Variants in CAPN2 observed in about 807,000 individuals in gnomAD.
CAPN2 encodes the protein calpain-2 catalytic subunit.
Under a neutral mutation model 102.3 loss-of-function variants are expected in CAPN2, and 92 were observed. That is an observed-to-expected ratio of 0.90 (90% confidence interval 0.76 to 1.07). The LOEUF is 1.07. Among genes scored for constraint, CAPN2 ranks in the 50% least tolerant of loss-of-function variants. The probability of loss-of-function intolerance (pLI) is 0.00; values close to 1 mark genes in which losing one functional copy is unlikely to be tolerated. For missense variants in CAPN2, 800 were observed against 909.4 expected, an observed-to-expected ratio of 0.88 and a Z score of 1.55; for synonymous variants, 340 against 355.4, an observed-to-expected ratio of 0.96 and a Z score of 0.49.
At chr1:223,701,664 G>A (rs1275921377) in exon 1 of CAPN2, 1 of 151,890 alleles carries the variant, frequency 6.6e-6, no homozygotes, top group Non-Finnish European at 1.5e-5. Flanking sequence ...GAATTTCCAG[G>A]ATGTTCGACT....
chr1:223,740,173 C>T (rs1292110888), intron 2 of CAPN2, among the ~76,000 whole-genome samples: 1 of 152,188 alleles, frequency 6.6e-6, no homozygotes, highest in Admixed American at 6.6e-5. Context: ...CTCTTGTGGA[C>T]ATGGGCCGTC....
rs927302580 is a variant in CAPN2, at chr1:223,731,593, C to T, written c.308-12507C>T. Reference sequence around the variant, plus strand: ...CCTGCCGGCTGTGAGCTCACTGCCTCAGAACCAGCGCCAGTCTCCTCTAGA... The same window carrying T: ...CCTGCCGGCTGTGAGCTCACTGCCTTAGAACCAGCGCCAGTCTCCTCTAGA... On this transcript the variant is annotated intron_variant, in intron 2 of 20. Transcript: ENST00000295006. The surrounding 1 kb of genome is among the most constrained non-coding windows in gnomAD (Gnocchi z 4.2). 6.6e-6 allele frequency among the ~76,000 whole-genome samples: 1 copy of T among 152,242 alleles called. No homozygotes were observed. Among genetic ancestry groups the T allele is most frequent in the Non-Finnish European group, 1.5e-5 (1 of 68,050 alleles).
chr1:223,772,201 C>A lies in CAPN2; in HGVS notation c.2041C>A (p.Pro681Thr). 1 of 1,614,112 alleles carries A rather than the reference C, an allele frequency of 6.2e-7. No individual in the cohort carries two copies. Among genetic ancestry groups the A allele is most frequent in the Non-Finnish European group, 8.5e-7 (1 of 1,179,980 alleles). The change falls in exon 20 of 21, where the codon CCC becomes ACC. Residue 681 changes from proline (P) to threonine (T), a missense_variant. By Grantham distance (38) the Pro-to-Thr change is conservative. Coordinates refer to ENST00000295006, the MANE Select transcript of CAPN2 (RefSeq NM_001748.5). Reference sequence around the variant, plus strand: ...CACAGAGATATTTAAGCAGCTGGATCCCGAGAATACTGGAACAATAGAGCT... The same window carrying A: ...CACAGAGATATTTAAGCAGCTGGATACCGAGAATACTGGAACAATAGAGCT... ...TLFKIFKQLD[P>T]ENTGTIELDL...
chr1:223,717,725 T>C (rs768009220), intron 1 of CAPN2, 37 bp from the exon 2 acceptor site: 1 of 1,580,946 alleles, frequency 6.3e-7, no homozygotes, highest in Admixed American at 1.7e-5. Flanking sequence ...AGCACCTGGC[T>C]GGTAGGCTAA....
At chr1:223,717,937 A>G in intron 2 of CAPN2, 106 bp downstream of exon 2, 2 of 823,690 alleles carry the variant, frequency 2.4e-6, no homozygotes, top group Non-Finnish European at 4.1e-6. Flanking sequence ...GCAGCTTGGC[A>G]ATTTCTATTT....
intron 2 of CAPN2, among the ~76,000 whole-genome samples, chr1:223,737,702 C>CGGGGGGGG (rs1558066398): frequency 1.3e-4 from 1 of 7,614 alleles, no homozygotes; most frequent in African/African-American, 3.1e-4. Context: ...CCAAAAGAGA[C>CGGGGGGGG]GGGGCGGGGG....
At chr1:223,757,337 G>A (rs761115973) in intron 10 of CAPN2, 32 bp from the exon 11 acceptor site, 29 of 1,613,842 alleles carry the variant, frequency 1.8e-5, no homozygotes, top group Admixed American at 1.7e-4. Context: ...CTGCTTTTCC[G>A]GCATCTGAAT....
At chr1:223,771,980 C>G in intron 19 of CAPN2, 55 bp downstream of exon 19, 1 of 1,299,070 alleles carries the variant, frequency 7.7e-7, no homozygotes, top group Non-Finnish European at 1.1e-6. Context: ...TTAAAGTGGC[C>G]TGCCTTTCAC....
intron 2 of CAPN2, among the ~76,000 whole-genome samples, chr1:223,742,525 T>A (rs1400448595): frequency 6.6e-4 from 70 of 106,794 alleles, no homozygotes; most frequent in African/African-American, 3.3e-3. Context: ...TATATTTTTT[T>A]TTTTTTTTTT....
At chr1:223,742,028 TA>T in intron 2 of CAPN2, among the ~76,000 whole-genome samples, 1 of 152,218 alleles carries the variant, frequency 6.6e-6, no homozygotes, top group South Asian at 2.1e-4. Flanking sequence ...CAACCATGTC[TA>T]AGTGCTAACA....
upstream of CAPN2, among the ~76,000 whole-genome samples, chr1:223,707,548 G>T (rs1349528346): frequency 5.9e-5 from 9 of 152,208 alleles, no homozygotes; most frequent in Admixed American, 2.0e-4. Flanking sequence ...ATTAACTCAG[G>T]TTTAAAAACT....
intron 4 of CAPN2, among the ~76,000 whole-genome samples, chr1:223,746,201 C>T (rs1382735395): frequency 2.0e-5 from 3 of 152,206 alleles, no homozygotes; most frequent in Admixed American, 6.5e-5. Context: ...TGGAGCCTGA[C>T]GGATGCTTCT....
At chr1:223,747,304 C>T in intron 5 of CAPN2, 139 bp downstream of exon 5, 1 of 729,472 alleles carries the variant, frequency 1.4e-6, no homozygotes, top group Non-Finnish European at 2.1e-6. Context: ...AGGAAAACCT[C>T]CCTCCACCCT....
intron 5 of CAPN2, among the ~76,000 whole-genome samples, chr1:223,748,074 A>C (rs768551119): frequency 2.0e-5 from 3 of 151,694 alleles, no homozygotes; most frequent in African/African-American, 4.9e-5. Context: ...TGCCCCTGCC[A>C]CCTTCCCCTC....
intron 4 of CAPN2, among the ~76,000 whole-genome samples, chr1:223,746,565 C>A (rs543163142): frequency 6.7e-6 from 1 of 148,486 alleles, no homozygotes; most frequent in Admixed American, 6.9e-5. Flanking sequence ...GCAATTTCCA[C>A]GTTCTGAGTT....
chr1:223,703,988 AGTTT>A (rs566655168), intron 1 of CAPN2, among the ~76,000 whole-genome samples: 38 of 152,158 alleles, frequency 2.5e-4, no homozygotes, highest in Non-Finnish European at 4.7e-4. Flanking sequence ...TGCTGAGTAA[AGTTT>A]GTTTAACATT....
rs569136678 is a variant in CAPN2, at chr1:223,759,333, C to A, written c.1381C>A (p.Arg461Ser). 1.4e-4 allele frequency: 233 copies of A among 1,614,212 alleles called. No individual in the cohort carries two copies. In the South Asian group the frequency reaches 2.3e-3, roughly 16 times the overall value. The part of the protein sequence containing the change: ...NFFLTNRARE[R>S]SDTFINLREV... ...CTTCCTGACGAATCGCGCCAGGGAG[C>A]GCTCAGACACCTTCATCAACCTCCG... is the stretch of plus-strand genomic sequence containing the variant. The change falls in exon 12 of 21, where the codon CGC becomes AGC. Residue 461 changes from arginine (R) to serine (S), a missense_variant. Transcript: ENST00000295006. This position sits in a 1 kb window ranked among gnomAD's most constrained non-coding sequence, Gnocchi z 4.6.
intron 17 of CAPN2, chr1:223,770,193 CA>C: frequency 1.7e-6 from 1 of 577,164 alleles, no homozygotes; most frequent in Non-Finnish European, 3.1e-6. Context: ...AGCTAAAGTA[CA>C]AAAATTATAT....
chr1:223,750,748 A>T, intron 6 of CAPN2, 142 bp from the exon 7 acceptor site: 1 of 710,560 alleles, frequency 1.4e-6, no homozygotes, highest in Admixed American at 2.2e-5. Flanking sequence ...CCTCCCTCAT[A>T]CATGGACTCA....
Sources: gnomAD v4.1 joint callset for allele counts (sites outside exome capture counted in the v4.1 genomes callset) on GRCh38, gnomAD v4.1.1 for gene constraint, Gnocchi (gnomAD v3.1) non-coding constraint, MANE v1.5 for transcripts, NCBI Gene and HGNC (gene_info 2026-07-23, HGNC 2026-07-21) for gene names.